Variants in RORA observed in about 807,000 individuals in gnomAD.
RORA encodes the protein RAR related orphan receptor A.
In RORA, 7 loss-of-function variants were observed where a neutral mutation model predicts 69.5. The ratio of observed to expected loss-of-function variants is 0.10; its 90% confidence interval spans 0.06 to 0.19. The LOEUF (loss-of-function observed/expected upper bound fraction) is 0.19. Among genes scored for constraint, RORA ranks in the 10% least tolerant of loss-of-function variants. The pLI is 1.00. For synonymous variants in RORA, 261 were observed against 240.8 expected, an observed-to-expected ratio of 1.08 and a Z score of -0.78; for missense variants, 457 against 663.0, an observed-to-expected ratio of 0.69 and a Z score of 3.41.
At chr15:61,162,344 A>G (rs1002723003) in intron 1 of RORA, among the ~76,000 whole-genome samples, 2 of 152,182 alleles carry the variant, frequency 1.3e-5, no homozygotes, top group African/African-American at 4.8e-5. Context: ...CAAATGAACT[A>G]AAACATTTTA....
chr15:60,723,703 C>T (rs1229791584), intron 1 of RORA, among the ~76,000 whole-genome samples: 1 of 152,128 alleles, frequency 6.6e-6, no homozygotes, highest in East Asian at 1.9e-4. Flanking sequence ...TCCATCCTGC[C>T]ATCCACACAT....
intron 1 of RORA, among the ~76,000 whole-genome samples, chr15:61,017,925 C>T (rs1268895384): frequency 6.6e-6 from 1 of 152,124 alleles, no homozygotes; most frequent in Non-Finnish European, 1.5e-5. Flanking sequence ...GGAAGTTTAC[C>T]TTTATTTAAG....
chr15:60,856,689 C>T (rs941482575), intron 1 of RORA, among the ~76,000 whole-genome samples: 2 of 152,160 alleles, frequency 1.3e-5, no homozygotes, highest in Non-Finnish European at 2.9e-5. Flanking sequence ...CTGGCAACTG[C>T]ATGTTTAATT....
At chr15:61,044,392 T>C (rs915945250) in intron 1 of RORA, among the ~76,000 whole-genome samples, 7 of 152,104 alleles carry the variant, frequency 4.6e-5, no homozygotes, top group African/African-American at 1.7e-4. Context: ...GATGAGGACA[T>C]TATCTGGACC....
intron 1 of RORA, among the ~76,000 whole-genome samples, chr15:60,686,068 A>T (rs1160682769): frequency 6.6e-6 from 1 of 152,184 alleles, no homozygotes; most frequent in Non-Finnish European, 1.5e-5. Context: ...AATTCAAAAA[A>T]AAAATTTGTG....
At chr15:60,935,459 AT>A (rs1257292816) in intron 1 of RORA, among the ~76,000 whole-genome samples, 2 of 152,244 alleles carry the variant, frequency 1.3e-5, no homozygotes, top group Admixed American at 1.3e-4. Context: ...AGGTTTCTTA[AT>A]TTTTATTATA....
chr15:61,105,868 T>C (rs901021404), intron 1 of RORA, among the ~76,000 whole-genome samples: 3 of 152,222 alleles, frequency 2.0e-5, no homozygotes, highest in African/African-American at 7.2e-5. Context: ...TCCACTTCCA[T>C]TCTTCAGGTG....
At chr15:61,129,843 C>A (rs562336337) in intron 1 of RORA, among the ~76,000 whole-genome samples, 1 of 152,332 alleles carries the variant, frequency 6.6e-6, no homozygotes, top group Non-Finnish European at 1.5e-5. Flanking sequence ...AAAAGAGGAA[C>A]AAGGAGGCAG....
chr15:60,828,561 C>A (rs1304515409), intron 1 of RORA, among the ~76,000 whole-genome samples: 1 of 152,126 alleles, frequency 6.6e-6, no homozygotes, highest in Non-Finnish European at 1.5e-5. Context: ...TCTGAAAGCC[C>A]CCACACAGGG....
At chr15:60,828,105 A>G (rs968080614) in intron 1 of RORA, among the ~76,000 whole-genome samples, 1 of 152,142 alleles carries the variant, frequency 6.6e-6, no homozygotes, top group Non-Finnish European at 1.5e-5. Context: ...CTGCACCTGG[A>G]AAAGGTATAA....
intron 1 of RORA, among the ~76,000 whole-genome samples, chr15:60,948,619 C>A (rs1444446477): frequency 6.6e-6 from 1 of 152,148 alleles, no homozygotes; most frequent in Non-Finnish European, 1.5e-5. Context: ...GTACCATTTT[C>A]TCCTATTTTA....
chr15:61,135,782 C>T (rs544549889), intron 1 of RORA, among the ~76,000 whole-genome samples: 5 of 152,202 alleles, frequency 3.3e-5, no homozygotes, highest in South Asian at 2.1e-4. Context: ...TAACAGACAC[C>T]GAGCATCACT....
rs371156497 is a variant in RORA, at chr15:60,739,821, C to CT, written c.167-61136dup. Among the ~76,000 whole-genome samples the CT allele has an allele frequency of 3.2e-3, 488 of 152,214 alleles. 8 individuals carry two copies. Among genetic ancestry groups the CT allele is most frequent in the African/African-American group, 0.011 (463 of 41,536 alleles). ...TAGGTATTGAGGAAGGAAACGATTT[C>CT]TTTTTTTAAAGAAATCTGATTTTCA... On this transcript the variant is annotated intron_variant, in intron 1 of 10. Transcript: ENST00000335670.
intron 1 of RORA, among the ~76,000 whole-genome samples, chr15:60,896,127 T>G (rs978333668): frequency 1.3e-5 from 2 of 152,124 alleles, no homozygotes; most frequent in African/African-American, 4.8e-5. Flanking sequence ...ATTAAGTGAG[T>G]GTTCAGAGAA....
intron 1 of RORA, among the ~76,000 whole-genome samples, chr15:61,044,932 G>C (rs1434931815): frequency 6.6e-6 from 1 of 152,228 alleles, no homozygotes; most frequent in Non-Finnish European, 1.5e-5. Context: ...AGAAATATTT[G>C]TTGAATGAAT....
intron 1 of RORA, among the ~76,000 whole-genome samples, chr15:60,921,894 T>C (rs1197946165): frequency 1.3e-5 from 2 of 152,174 alleles, no homozygotes; most frequent in Admixed American, 1.3e-4. Context: ...GGTCATTCAT[T>C]TTTAAAATTT....
In RORA at chr15:60,531,597, A is replaced by ATAAC. The variant is rs1251046139; in HGVS notation, c.282+165_282+168dup. 1.5e-5 allele frequency: 8 copies of ATAAC among 540,402 alleles called. No homozygotes were observed. The East Asian group carries it at 2.4e-4, about 16-fold the overall frequency. 33.5% of individuals were successfully genotyped at this position (540,402 alleles called of 1,614,324 possible). ...TTTGAAGGAAGGAGTAAAAATATAT[A>ATAAC]TAACTTCTTTAATTGTAATTTAACA... is the stretch of plus-strand genomic sequence containing the variant. On this transcript the variant is annotated intron_variant, in intron 3 of 10. Transcript: ENST00000335670. This position sits in a 1 kb window ranked among gnomAD's most constrained non-coding sequence, Gnocchi z 4.8.
chr15:61,151,305 A>T (rs1310147955), intron 1 of RORA, among the ~76,000 whole-genome samples: 1 of 152,242 alleles, frequency 6.6e-6, no homozygotes, highest in African/African-American at 2.4e-5. Flanking sequence ...CTAAGCTCTA[A>T]ATACAGTGCT....
intron 2 of RORA, chr15:60,592,638 G>A (rs1402349431): frequency 3.5e-6 from 4 of 1,130,878 alleles, no homozygotes; most frequent in Non-Finnish European, 4.3e-6. Flanking sequence ...GGGGCGGGAG[G>A]CGGGAGGCGG....
Sources: allele counts gnomAD v4.1 joint callset (sites outside exome capture counted in the v4.1 genomes callset), GRCh38; gene constraint gnomAD v4.1.1; non-coding constraint Gnocchi (gnomAD v3.1); transcripts MANE v1.5; gene names NCBI Gene and HGNC (gene_info 2026-07-23, HGNC 2026-07-21).